Variants in CFAP97 observed in about 807,000 individuals in gnomAD.
CFAP97 encodes cilia and flagella associated protein 97.
A neutral mutation model predicts 43.1 loss-of-function variants in CFAP97; 36 were observed. The ratio of observed to expected loss-of-function variants is 0.84; its 90% CI spans 0.64 to 1.10. The LOEUF is 1.10. CFAP97 is among the 50% of genes least tolerant of loss of function. The probability of loss-of-function intolerance (pLI) is 0.00; values close to 1 mark genes in which losing one functional copy is unlikely to be tolerated. For missense variants in CFAP97, 657 were observed against 620.3 expected (o/e 1.06, Z -0.63); for synonymous variants, 228 against 225.7 (o/e 1.01, Z -0.09).
intron 2 of CFAP97, among the ~76,000 whole-genome samples, chr4:185,181,568 G>A (rs113790322): frequency 0.047 from 7,200 of 151,916 alleles, 192 homozygotes; most frequent in Middle Eastern, 0.12. Flanking sequence ...CAGGTGATCC[G>A]CCCGCCTCGG....
At chr4:185,191,885 ATTAGAGT>A (rs1236192634) in intron 1 of CFAP97, among the ~76,000 whole-genome samples, 3 of 152,152 alleles carry the variant, frequency 2.0e-5, no homozygotes, top group East Asian at 1.9e-4. Flanking sequence ...ATTAAGTACA[ATTAGAGT>A]TTAGAGTAAG....
intron 1 of CFAP97, among the ~76,000 whole-genome samples, chr4:185,202,293 A>C (rs1736879467): frequency 6.6e-6 from 1 of 152,180 alleles, no homozygotes; most frequent in Non-Finnish European, 1.5e-5. Context: ...TTACAGTCTC[A>C]TGCCTGTAAC....
chr4:185,163,413 A>G lies in CFAP97; in HGVS notation c.1472-488T>C, dbSNP rs551310763. Among the ~76,000 whole-genome samples the G allele has an allele frequency of 3.9e-5, 6 of 152,116 alleles. No individual in the cohort carries two copies. The South Asian group carries it at 1.2e-3, about 32-fold the overall frequency. ...GGTTTGGTATTCCCTTCTATTTATTATATGGTTTAGAATGCATACATGAAG... is the reference window on the plus strand; with the variant it reads ...GGTTTGGTATTCCCTTCTATTTATTGTATGGTTTAGAATGCATACATGAAG... On this transcript the variant is annotated intron_variant, in intron 4 of 4. Coordinates refer to ENST00000458385, the MANE Select transcript of CFAP97 (RefSeq NM_020827.3).
chr4:185,208,862 T>C (rs1016589111), upstream of CFAP97, among the ~76,000 whole-genome samples: 7 of 152,272 alleles, frequency 4.6e-5, no homozygotes, highest in African/African-American at 1.7e-4. Context: ...TGGCATCTAC[T>C]TAGCAAGCGT....
intron 2 of CFAP97, among the ~76,000 whole-genome samples, chr4:185,187,253 GA>G (rs1736041421): frequency 6.6e-6 from 1 of 152,134 alleles, no homozygotes; most frequent in South Asian, 2.1e-4. Context: ...ATGAACATAT[GA>G]AATATGTTTC....
At position 185,161,882 on chromosome 4, in the gene CFAP97, CT is replaced by C. The variant is rs1413985311; in HGVS notation, c.*915del. The C allele has an allele frequency of 6.6e-6, 1 of 152,182 alleles. No individual in the cohort carries two copies. The highest frequency in any genetic ancestry group is 1.5e-5 in the Non-Finnish European group (1 of 68,032). 9.4% of individuals were successfully genotyped at this position (152,182 alleles called of 1,614,324 possible). On this transcript the variant is annotated 3_prime_UTR_variant, in exon 5 of 5. Coordinates refer to ENST00000458385, the MANE Select transcript of CFAP97 (RefSeq NM_020827.3). Reference sequence around the variant, plus strand: ...AAAGCATTTCTTTCTTACGCTAAGTCTTCTCTAATAACATAATAAATACTGA... The same window carrying C: ...AAAGCATTTCTTTCTTACGCTAAGTCTCTCTAATAACATAATAAATACTGA...
rs6815335 is a variant in CFAP97 at position 185,166,840 on chromosome 4, C to A, written c.1321-2661G>T. 3.2e-3 allele frequency among the ~76,000 whole-genome samples: 490 copies of A among 152,298 alleles called. 1 individual carries two copies. The highest frequency in any genetic ancestry group is 0.011 in the African/African-American group (466 of 41,580). ...TGCCTATAGAAATAATATCAAAATA[C>A]AAAGTGTTGATTACCCTAAATTTTA... is the stretch of plus-strand genomic sequence containing the variant. On this transcript the variant is annotated intron_variant, in intron 3 of 4. Transcript: ENST00000458385.
At chr4:185,202,899 T>C (rs1027108788) in intron 1 of CFAP97, among the ~76,000 whole-genome samples, 1 of 152,166 alleles carries the variant, frequency 6.6e-6, no homozygotes, top group African/African-American at 2.4e-5. Flanking sequence ...TAACATTTAC[T>C]ACGAGGTAAG....
chr4:185,204,729 G>A (rs1737112105), upstream of CFAP97, among the ~76,000 whole-genome samples: 1 of 152,216 alleles, frequency 6.6e-6, no homozygotes, highest in Non-Finnish European at 1.5e-5. Context: ...ATGGAGACAA[G>A]AAGTTCAAAG....
At chr4:185,193,173 C>T (rs578243453) in intron 1 of CFAP97, among the ~76,000 whole-genome samples, 1 of 152,258 alleles carries the variant, frequency 6.6e-6, no homozygotes, top group Non-Finnish European at 1.5e-5. Context: ...CACAAATATG[C>T]CTGGGGTGGC....
intron 1 of CFAP97, among the ~76,000 whole-genome samples, chr4:185,201,008 AGACT>A (rs757697840): frequency 2.3e-4 from 35 of 152,296 alleles, no homozygotes; most frequent in East Asian, 3.9e-4. Flanking sequence ...GGGTTTGAGA[AGACT>A]GACTATGTTT....
chr4:185,206,202 T>G (rs1393583672), upstream of CFAP97, among the ~76,000 whole-genome samples: 1 of 152,226 alleles, frequency 6.6e-6, no homozygotes, highest in South Asian at 2.1e-4. Context: ...CAGATACTTA[T>G]GCACCCATGT....
upstream of CFAP97, among the ~76,000 whole-genome samples, chr4:185,206,364 C>T (rs187400815): frequency 1.0e-3 from 157 of 152,266 alleles, 1 homozygote; most frequent in Middle Eastern, 6.8e-3. Context: ...AGATGGTCTG[C>T]AGGACAGACA....
At chr4:185,174,337 A>G (rs945831889) in intron 3 of CFAP97, among the ~76,000 whole-genome samples, 2 of 152,110 alleles carry the variant, frequency 1.3e-5, no homozygotes, top group Non-Finnish European at 2.9e-5. Flanking sequence ...GCTATCATCT[A>G]TCTCAGCTCC....
chr4:185,177,084 C>G (rs545984442), intron 2 of CFAP97, among the ~76,000 whole-genome samples: 1 of 152,168 alleles, frequency 6.6e-6, no homozygotes, highest in South Asian at 2.1e-4. Flanking sequence ...AAGTATTAAA[C>G]TTGCTGAATG....
intron 2 of CFAP97, among the ~76,000 whole-genome samples, chr4:185,186,692 T>C (rs1736018945): frequency 1.3e-5 from 2 of 152,200 alleles, no homozygotes; most frequent in East Asian, 1.9e-4. Context: ...ACCTTTTTCA[T>C]GACATACATT....
upstream of CFAP97, among the ~76,000 whole-genome samples, chr4:185,206,213 T>G (rs1737180499): frequency 6.6e-6 from 1 of 152,194 alleles, no homozygotes; most frequent in Non-Finnish European, 1.5e-5. Flanking sequence ...GCACCCATGT[T>G]CATAGCAGAA....
At chr4:185,187,798 ATTTGT>A (rs1373127728) in intron 2 of CFAP97, among the ~76,000 whole-genome samples, 1 of 151,750 alleles carries the variant, frequency 6.6e-6, no homozygotes, top group Non-Finnish European at 1.5e-5. Flanking sequence ...AGGCATCAGT[ATTTGT>A]TTTAAGAGTT....
In CFAP97 at chr4:185,193,554, G is replaced by A. The variant is rs76622316; in HGVS notation, c.-16-2342C>T. 2.6e-5 allele frequency among the ~76,000 whole-genome samples: 4 copies of A among 152,292 alleles called. No homozygotes were observed. The East Asian group carries it at 7.7e-4, about 29-fold the overall frequency. ...CCAGCTACTCAGGAGGCTGAGGCAG[G>A]AGAATGGCGTGAACCCAGGAGGTGG... On this transcript the variant is annotated intron_variant, in intron 1 of 4. Coordinates refer to ENST00000458385, the MANE Select transcript of CFAP97 (RefSeq NM_020827.3).
Sources: gnomAD v4.1 joint callset for allele counts (sites outside exome capture counted in the v4.1 genomes callset) on GRCh38, gnomAD v4.1.1 for gene constraint, MANE v1.5 for transcripts, NCBI Gene and HGNC (gene_info 2026-07-23, HGNC 2026-07-21) for gene names.